LPL: variants seen among roughly 807,000 people sequenced by gnomAD.
LPL encodes the protein phospholipase A1.
LPL carries 43 observed loss-of-function variants against 52.2 expected under a neutral mutation model. That is an observed-to-expected ratio of 0.82 (90% confidence interval 0.64 to 1.06). The LOEUF is 1.06. Among genes scored for constraint, LPL ranks in the 50% least tolerant of loss-of-function variants. The pLI, the probability that LPL is intolerant of heterozygous loss-of-function variation, is 0.00. For missense variants in LPL, 639 were observed against 585.3 expected, an observed-to-expected ratio of 1.09 and a Z score of -0.95; for synonymous variants, 244 against 215.6, an observed-to-expected ratio of 1.13 and a Z score of -1.15.
At position 19,939,571 on chromosome 8, in the gene LPL, G is replaced by T. The variant is rs1392724902; in HGVS notation, c.88+43G>T. 1.3e-6 allele frequency: 2 copies of T among 1,565,930 alleles called. No homozygotes were observed. The highest frequency in any genetic ancestry group is 1.3e-5 in the African/African-American group (1 of 74,362). ...ACTCCCCTCCACCTGCAGACCCGGC[G>T]GGTGGCCACTGCCACCCGAACTGAG... is the stretch of plus-strand genomic sequence containing the variant. On this transcript the variant is annotated intron_variant, in intron 1 of 9. Transcript: ENST00000650287. This position sits in a 1 kb window ranked among gnomAD's most constrained non-coding sequence, Gnocchi z 4.0.
intron 9 of LPL, among the ~76,000 whole-genome samples, chr8:19,963,725 T>C (rs1020822095): frequency 6.6e-6 from 1 of 152,156 alleles, no homozygotes; most frequent in Non-Finnish European, 1.5e-5. Flanking sequence ...AATGACTAGA[T>C]GAGAACATCT....
intron 3 of LPL, 76 bp from the exon 4 acceptor site, chr8:19,953,234 T>C: frequency 1.2e-6 from 1 of 862,698 alleles, no homozygotes; most frequent in Non-Finnish European, 2.0e-6. Flanking sequence ...GAAAACAATA[T>C]TTATATTCAT....
chr8:19,943,102 T>A (rs981173278), intron 1 of LPL, among the ~76,000 whole-genome samples: 2 of 152,236 alleles, frequency 1.3e-5, no homozygotes, highest in African/African-American at 4.8e-5. Context: ...GCCACCTTGC[T>A]CACAGCACTC....
chr8:19,955,362 G>A (rs964025285), intron 5 of LPL, among the ~76,000 whole-genome samples: 9 of 152,124 alleles, frequency 5.9e-5, no homozygotes, highest in East Asian at 1.9e-4. Context: ...TGAGAAGCAC[G>A]TGATGGTTTG....
At position 19,965,430 on chromosome 8, in the gene LPL, A is replaced by AG; in HGVS notation, c.*120_*121insG. 1 of 744,102 alleles carries AG rather than the reference A, an allele frequency of 1.3e-6. No homozygotes were observed. Among genetic ancestry groups the AG allele is most frequent in the Non-Finnish European group, 2.5e-6 (1 of 401,312 alleles). The allele number at this position is 744,102 out of a possible 1,614,324, so 46.1% of individuals were successfully genotyped here. A position where few individuals can be genotyped will look rare whatever the true frequency, so the allele number is the denominator to read the frequency against. On this transcript the variant is annotated 3_prime_UTR_variant, in exon 10 of 10. Transcript: ENST00000650287. Reference sequence around the variant, plus strand: ...GGTGTTTCAAAAGTGGATTTTCCTGAATATTAATCCCAGCCCTACCCTTGT... The same window carrying AG: ...GGTGTTTCAAAAGTGGATTTTCCTGAGATATTAATCCCAGCCCTACCCTTGT...
chr8:19,948,273 C>G lies in LPL; in HGVS notation c.182C>G (p.Ala61Gly). 1 of 1,614,140 alleles carries G rather than the reference C, an allele frequency of 6.2e-7. No homozygotes were observed. The highest frequency in any genetic ancestry group is 8.5e-7 in the Non-Finnish European group (1 of 1,180,020). The change falls in exon 2 of 10, where the codon GCA (alanine) becomes GGA (glycine). Residue 61 changes from alanine (A) to glycine (G), a missense_variant. Physicochemically the swap from Ala to Gly is moderately conservative, Grantham distance 60 (BLOSUM62 0). Coordinates refer to ENST00000650287, the MANE Select transcript of LPL (RefSeq NM_000237.3). ...EDTCHLIPGV[A>G]ESVATCHFNH... is the part of the protein sequence containing the mutation. ...ACTTGCCACCTCATTCCCGGAGTAGCAGAGTCCGTGGCTACCTGTCATTTC... is the reference window on the plus strand; with the variant it reads ...ACTTGCCACCTCATTCCCGGAGTAGGAGAGTCCGTGGCTACCTGTCATTTC...
rs80143795 is a variant in LPL, at chr8:19,954,433, A to G, written c.775+80A>G. The G allele has an allele frequency of 4.6e-3, 6,383 of 1,379,888 alleles. 219 individuals are homozygous for G. The African/African-American group carries it at 0.079, about 17-fold the overall frequency. The allele number at this position is 1,379,888 out of a possible 1,614,324, so 85.5% of individuals were successfully genotyped here. A position where few individuals can be genotyped will look rare whatever the true frequency, so the allele number is the denominator to read the frequency against. On this transcript the variant is annotated intron_variant, in intron 5 of 9. Transcript: ENST00000650287. The stretch of plus-strand genomic sequence containing the variant: ...ACCCAATGTCCTACTCAGTAGCTTC[A>G]AAGTATGTAGTTTTCATATACACAT...
intron 9 of LPL, 27 bp from the exon 10 acceptor site, chr8:19,965,283 T>C (rs992451089): frequency 1.3e-6 from 1 of 780,776 alleles, no homozygotes; most frequent in Non-Finnish European, 2.4e-6. Flanking sequence ...GATAATAAAT[T>C]GCCCTTTTTC....
chr8:19,961,219 T>G (rs1270023246), intron 8 of LPL, 136 bp downstream of exon 8: 2 of 650,662 alleles, frequency 3.1e-6, no homozygotes, highest in African/African-American at 1.9e-5. Context: ...GATGTAGATT[T>G]TCTTTAGGAG....
chr8:19,942,081 T>C (rs1005229232), intron 1 of LPL, among the ~76,000 whole-genome samples: 1 of 152,252 alleles, frequency 6.6e-6, no homozygotes, highest in East Asian at 1.9e-4. Flanking sequence ...GAGGGAGTGA[T>C]TGATTAATAG....
In LPL at chr8:19,956,367, A is replaced by C. The variant is rs144578061; in HGVS notation, c.1018+284A>C. Among the ~76,000 whole-genome samples the C allele has an allele frequency of 6.6e-3, 1,013 of 152,380 alleles. 13 individuals are homozygous for C. The highest frequency in any genetic ancestry group is 0.024 in the Middle Eastern group (7 of 294). ...TTAGCATGGGCTAGGCTATCAGCAC[A>C]GAGCTCAGAGCTCATTTGGAACCAT... On this transcript the variant is annotated intron_variant, in intron 6 of 9. Coordinates refer to ENST00000650287, the MANE Select transcript of LPL (RefSeq NM_000237.3).
chr8:19,955,007 G>C (rs1047153812), intron 5 of LPL, among the ~76,000 whole-genome samples: 3 of 152,008 alleles, frequency 2.0e-5, no homozygotes, highest in African/African-American at 4.8e-5. Context: ...CCCAGTTTAC[G>C]ATTTATTTTT....
chr8:19,961,548 C>T (rs1028185425), intron 8 of LPL, among the ~76,000 whole-genome samples: 12 of 152,026 alleles, frequency 7.9e-5, no homozygotes, highest in African/African-American at 2.9e-4. Context: ...ACACAGAGAT[C>T]GCTATAGGAT....
intron 4 of LPL, among the ~76,000 whole-genome samples, 184 bp from the exon 5 acceptor site, chr8:19,953,936 A>T (rs1401273892): frequency 6.6e-6 from 1 of 152,214 alleles, no homozygotes; most frequent in African/African-American, 2.4e-5. Context: ...AAGAGACTCA[A>T]ATTCATTTTA....
intron 6 of LPL, 32 bp downstream of exon 6, chr8:19,956,115 C>A (rs1364773239): frequency 3.1e-6 from 5 of 1,613,306 alleles, no homozygotes; most frequent in Middle Eastern, 1.7e-4. Context: ...ATAAGGAAAC[C>A]AAGGAGTCCT....
At position 19,951,750 on chromosome 8, in the gene LPL, C is replaced by G. The variant is rs776755748; in HGVS notation, c.250-19C>G. ...GTGGTAGGTGGGTATTTTAAGAAAG[C>G]TTGTGTCATCATCTTCAGGTAACAG... On this transcript the variant is annotated intron_variant, in intron 2 of 9. Transcript: ENST00000650287. The G allele has an allele frequency of 6.2e-7, 1 of 1,613,856 alleles. No homozygotes were observed. The highest frequency in any genetic ancestry group is 8.5e-7 in the Non-Finnish European group (1 of 1,179,876).
intron 5 of LPL, 131 bp from the exon 6 acceptor site, chr8:19,955,710 T>C (rs2069978165): frequency 1.6e-6 from 2 of 1,218,152 alleles, no homozygotes; most frequent in Non-Finnish European, 2.4e-6. Flanking sequence ...CCTACAATCA[T>C]AAATGCACAG....
intron 1 of LPL, chr8:19,946,503 A>G (rs769277860): frequency 1.3e-5 from 3 of 238,824 alleles, no homozygotes; most frequent in South Asian, 8.0e-5. Flanking sequence ...TGTTCTCACT[A>G]TGACACTCTT....
chr8:19,960,869 T>C (rs2070031862), intron 7 of LPL, 32 bp from the exon 8 acceptor site: 1 of 1,583,298 alleles, frequency 6.3e-7, no homozygotes, highest in African/African-American at 1.3e-5. Context: ...CTGATCTCTA[T>C]AACTAACCAA....
Sources: gnomAD v4.1 joint callset for allele counts (sites outside exome capture counted in the v4.1 genomes callset) on GRCh38, gnomAD v4.1.1 for gene constraint, Gnocchi (gnomAD v3.1) non-coding constraint, MANE v1.5 for transcripts, NCBI Gene and HGNC (gene_info 2026-07-23, HGNC 2026-07-21) for gene names.